GRHL2: variants seen among roughly 807,000 people sequenced by gnomAD.
The protein encoded by GRHL2 is grainyhead like transcription factor 2.
A neutral mutation model predicts 83.8 loss-of-function variants in GRHL2; 21 were observed. The ratio of observed to expected loss-of-function variants is 0.25; its 90% confidence interval spans 0.18 to 0.36. The LOEUF (loss-of-function observed/expected upper bound fraction) is 0.36, where lower values mean the gene tolerates loss of function less well. GRHL2 is among the 10% of genes least tolerant of loss of function. GRHL2 has a pLI of 1.00. For synonymous variants in GRHL2, 280 were observed against 278.9 expected (o/e 1.00, Z -0.04); for missense variants, 623 against 781.8 (o/e 0.80, Z 2.42).
chr8:101,637,493 C>T (rs1813312918), intron 12 of GRHL2, among the ~76,000 whole-genome samples: 1 of 152,348 alleles, frequency 6.6e-6, no homozygotes, highest in East Asian at 1.9e-4. Context: ...AATGTCTCCA[C>T]ATCCTGAATG....
At chr8:101,515,014 C>G (rs1441496016) in intron 1 of GRHL2, among the ~76,000 whole-genome samples, 1 of 149,652 alleles carries the variant, frequency 6.7e-6, no homozygotes, top group Non-Finnish European at 1.5e-5. Context: ...CTTCCTTCCC[C>G]CCTTCATTTT....
At chr8:101,550,090 A>G (rs753859986) in intron 2 of GRHL2, among the ~76,000 whole-genome samples, 1 of 150,692 alleles carries the variant, frequency 6.6e-6, no homozygotes, top group Non-Finnish European at 1.5e-5. Flanking sequence ...ATGCCAGTGG[A>G]ATTTCTTTCT....
Position 101,585,102 on chromosome 8 carries a change from C to T in GRHL2, c.1003+7583C>T, listed in dbSNP as rs564121603. Among the ~76,000 whole-genome samples the T allele has an allele frequency of 1.4e-4, 22 of 152,342 alleles. 1 individual carries two copies. Among genetic ancestry groups the T allele is most frequent in the Admixed American group, 1.2e-3 (18 of 15,306 alleles). On this transcript the variant is annotated intron_variant, in intron 7 of 15. Coordinates refer to ENST00000646743, the MANE Select transcript of GRHL2 (RefSeq NM_024915.4). ...AAGTGGCCAGGTGGCCAGGTGATCA[C>T]GTAGTGTGAATTTGTGGCCCAAACA...
intron 7 of GRHL2, among the ~76,000 whole-genome samples, chr8:101,578,359 A>G (rs1024163003): frequency 6.6e-6 from 1 of 152,090 alleles, no homozygotes; most frequent in Non-Finnish European, 1.5e-5. Context: ...CTCAGTGCCA[A>G]GAGGGAGGAG....
intron 7 of GRHL2, among the ~76,000 whole-genome samples, chr8:101,588,941 A>G (rs1812221946): frequency 6.6e-6 from 1 of 152,162 alleles, no homozygotes; most frequent in Non-Finnish European, 1.5e-5. Flanking sequence ...CAAGTGTTAT[A>G]GTTTCTGGAT....
intron 13 of GRHL2, among the ~76,000 whole-genome samples, chr8:101,647,569 A>G (rs1401382901): frequency 2.0e-5 from 3 of 152,142 alleles, no homozygotes; most frequent in Non-Finnish European, 4.4e-5. Flanking sequence ...GTCCTCTTAT[A>G]ATAGCCATTA....
At chr8:101,651,655 G>A (rs2129702557) in intron 14 of GRHL2, among the ~76,000 whole-genome samples, 1 of 152,272 alleles carries the variant, frequency 6.6e-6, no homozygotes, top group Non-Finnish European at 1.5e-5. Context: ...CCCCGCCTCA[G>A]CAGCATCTGG....
chr8:101,649,977 A>G (rs1813588352), intron 14 of GRHL2, among the ~76,000 whole-genome samples: 1 of 152,170 alleles, frequency 6.6e-6, no homozygotes, highest in Non-Finnish European at 1.5e-5. Flanking sequence ...GTATTACCCA[A>G]CTTGGGCTCA....
At position 101,666,593 on chromosome 8, in the gene GRHL2, T is replaced by C. The variant is rs778376570; in HGVS notation, c.1768T>C (p.Leu590=). The C allele has an allele frequency of 6.3e-7, 1 of 1,596,596 alleles. No individual in the cohort carries two copies. Among genetic ancestry groups the C allele is most frequent in the South Asian group, 1.1e-5 (1 of 90,756 alleles). Reference sequence around the variant, plus strand: ...CCCCTCCCCCCTCCATGGCAGCATCTTGGTGAACATGGATGACAACATCAT... The same window carrying C: ...CCCCTCCCCCCTCCATGGCAGCATCCTGGTGAACATGGATGACAACATCAT... The part of the protein sequence containing the change: ...KLYKKSKKGI[L]VNMDDNIIEH... Residue 590 remains leucine (L), a synonymous_variant, in exon 16 of 16, where the codon TTG becomes CTG. Transcript: ENST00000646743.
chr8:101,579,152 A>G (rs912610047), intron 7 of GRHL2, among the ~76,000 whole-genome samples: 1 of 152,252 alleles, frequency 6.6e-6, no homozygotes, highest in African/African-American at 2.4e-5. Flanking sequence ...TAACCTGTTT[A>G]GTTAAATCTG....
At chr8:101,523,260 A>G (rs1198836412) in intron 1 of GRHL2, among the ~76,000 whole-genome samples, 1 of 150,724 alleles carries the variant, frequency 6.6e-6, no homozygotes, top group Non-Finnish European at 1.5e-5. Context: ...TTTTTTTTCC[A>G]TACAGGTGAA....
chr8:101,642,435 G>A lies in GRHL2; in HGVS notation c.1518-1696G>A, dbSNP rs564118047. ...GAACCCTCACACAGCATGATGGAGTGTCTGGTGGTATTTCAGGCTATTTAC... is the reference window on the plus strand; with the variant it reads ...GAACCCTCACACAGCATGATGGAGTATCTGGTGGTATTTCAGGCTATTTAC... On this transcript the variant is annotated intron_variant, in intron 12 of 15. Coordinates refer to ENST00000646743, the MANE Select transcript of GRHL2 (RefSeq NM_024915.4). Among the ~76,000 whole-genome samples the A allele has an allele frequency of 8.5e-5, 13 of 152,322 alleles. No individual in the cohort carries two copies. The South Asian group carries it at 2.5e-3, about 29-fold the overall frequency.
intron 11 of GRHL2, among the ~76,000 whole-genome samples, chr8:101,632,622 G>A (rs1350871065): frequency 6.6e-6 from 1 of 152,214 alleles, no homozygotes; most frequent in Non-Finnish European, 1.5e-5. Flanking sequence ...AAAGTGAGAA[G>A]GCTGATAACC....
chr8:101,654,668 C>T (rs775054017), intron 14 of GRHL2, among the ~76,000 whole-genome samples: 10 of 152,134 alleles, frequency 6.6e-5, no homozygotes, highest in African/African-American at 1.7e-4. Flanking sequence ...CCCTTCCTTC[C>T]GAGCAACTTA....
chr8:101,552,650 C>T (rs1320355512), intron 2 of GRHL2, 65 bp from the exon 3 acceptor site: 5 of 1,474,440 alleles, frequency 3.4e-6, no homozygotes, highest in Non-Finnish European at 2.8e-6. Context: ...ATGCCGGTGT[C>T]CAGCTCTGAA....
intron 4 of GRHL2, among the ~76,000 whole-genome samples, chr8:101,565,185 G>A (rs1249854165): frequency 1.3e-5 from 2 of 152,100 alleles, no homozygotes; most frequent in African/African-American, 4.8e-5. Flanking sequence ...ACAAACCAAA[G>A]ATCATGCCAC....
At chr8:101,493,756 C>T (rs1166984328) in intron 1 of GRHL2, among the ~76,000 whole-genome samples, 1 of 151,952 alleles carries the variant, frequency 6.6e-6, no homozygotes, top group African/African-American at 2.4e-5. Flanking sequence ...ACGCTGGGCT[C>T]GCGTCCTTCC....
At chr8:101,528,861 G>A in intron 1 of GRHL2, 1 of 346,670 alleles carries the variant, frequency 2.9e-6, no homozygotes, top group South Asian at 2.6e-5. Flanking sequence ...GCTTATCCAG[G>A]TTCATGATAG....
At chr8:101,635,276 T>C (rs1032697118) in intron 11 of GRHL2, among the ~76,000 whole-genome samples, 10 of 152,156 alleles carry the variant, frequency 6.6e-5, no homozygotes, top group African/African-American at 2.4e-4. Flanking sequence ...ACTCTAAAGT[T>C]TGAAAAACAT....
Sources: allele counts gnomAD v4.1 joint callset (sites outside exome capture counted in the v4.1 genomes callset), GRCh38; gene constraint gnomAD v4.1.1; transcripts MANE v1.5; gene names NCBI Gene and HGNC (gene_info 2026-07-23, HGNC 2026-07-21).